Variants in NAV2 observed in about 807,000 individuals in gnomAD.
NAV2 encodes the protein neuron navigator 2, also known as helicase, APC down-regulated 1.
A neutral mutation model predicts 223.2 loss-of-function variants in NAV2; 54 were observed. The observed-to-expected ratio is 0.24, with a 90% CI of 0.19 to 0.30. The LOEUF is 0.30. Among genes scored for constraint, NAV2 ranks in the 10% least tolerant of loss-of-function variants. The pLI is 1.00. For synonymous variants in NAV2, 1,279 were observed against 1,239.3 expected (o/e 1.03, Z -0.67); for missense variants, 2,806 against 3,147.5 (o/e 0.89, Z 2.60).
At chr11:19,645,460 A>G (rs536902496) in intron 1 of NAV2, among the ~76,000 whole-genome samples, 1 of 152,256 alleles carries the variant, frequency 6.6e-6, no homozygotes, top group African/African-American at 2.4e-5. Flanking sequence ...AGACGTGAAC[A>G]TCTTTGGGGG....
intron 1 of NAV2, among the ~76,000 whole-genome samples, chr11:19,642,613 C>T (rs1278697835): frequency 6.6e-6 from 1 of 152,140 alleles, no homozygotes. Context: ...ATGGAGTCAA[C>T]AGCTTTGATT....
intron 1 of NAV2, chr11:19,401,948 G>A (rs1045467270): frequency 2.6e-5 from 4 of 152,186 alleles, no homozygotes; most frequent in Non-Finnish European, 5.9e-5. Flanking sequence ...GATCAGACGA[G>A]ATCGGGCGCA....
At chr11:19,997,901 C>T (rs2052077293) in intron 11 of NAV2, among the ~76,000 whole-genome samples, 1 of 152,144 alleles carries the variant, frequency 6.6e-6, no homozygotes. Context: ...ACTCCTCCCT[C>T]CACCCCAGGT....
intron 1 of NAV2, among the ~76,000 whole-genome samples, chr11:19,470,638 C>T (rs1406425568): frequency 1.3e-5 from 2 of 151,954 alleles, no homozygotes; most frequent in Non-Finnish European, 2.9e-5. Flanking sequence ...GGTCCCATTT[C>T]CCAACACTGT....
Position 20,120,427 on chromosome 11 carries a change from G to A in NAV2, c.*2169G>A, listed in dbSNP as rs1240063014. On this transcript the variant is annotated 3_prime_UTR_variant, in exon 38 of 38. Transcript: ENST00000349880. ...TGTGACCAGGGGGGCCAAACCCTAA[G>A]ATTTCTGGTAAACCTGAAGGGTGGC... 1 of 152,574 alleles carries A rather than the reference G, an allele frequency of 6.6e-6. No homozygotes were observed. The highest frequency in any genetic ancestry group is 1.5e-5 in the Non-Finnish European group (1 of 68,034). 9.5% of individuals were successfully genotyped at this position (152,574 alleles called of 1,614,324 possible).
At chr11:19,771,016 G>A (rs1437251842) in intron 1 of NAV2, among the ~76,000 whole-genome samples, 37 of 152,098 alleles carry the variant, frequency 2.4e-4, no homozygotes, top group Non-Finnish European at 1.5e-5. Flanking sequence ...CAGTGGAAAG[G>A]GGTCTATCTA....
chr11:19,662,287 G>A (rs1372417029), intron 1 of NAV2, among the ~76,000 whole-genome samples: 2 of 152,226 alleles, frequency 1.3e-5, no homozygotes, highest in African/African-American at 4.8e-5. Flanking sequence ...TATTATGATT[G>A]TAGCTGATCC....
At chr11:20,036,432 C>A (rs892420961) in intron 12 of NAV2, among the ~76,000 whole-genome samples, 9 of 152,194 alleles carry the variant, frequency 5.9e-5, no homozygotes, top group Non-Finnish European at 1.3e-4. Flanking sequence ...ATTTTCAGCC[C>A]AGAGTGTGTG....
intron 4 of NAV2, among the ~76,000 whole-genome samples, chr11:19,869,410 C>T (rs1011960574): frequency 2.6e-5 from 4 of 152,150 alleles, no homozygotes; most frequent in African/African-American, 4.8e-5. Flanking sequence ...CTCTTTTATT[C>T]GAGGAAGCAG....
intron 4 of NAV2, among the ~76,000 whole-genome samples, chr11:19,876,209 G>A (rs944716996): frequency 2.6e-5 from 4 of 152,028 alleles, no homozygotes; most frequent in Non-Finnish European, 4.4e-5. Flanking sequence ...TGTATTTTTA[G>A]TAGAGACGGT....
At chr11:19,734,321 C>G (rs1242303246) in intron 1 of NAV2, among the ~76,000 whole-genome samples, 1 of 152,086 alleles carries the variant, frequency 6.6e-6, no homozygotes, top group Non-Finnish European at 1.5e-5. Context: ...ATATGATGAC[C>G]CATTGCCAGA....
At chr11:19,905,571 T>C (rs1422229123) in intron 6 of NAV2, among the ~76,000 whole-genome samples, 1 of 152,226 alleles carries the variant, frequency 6.6e-6, no homozygotes, top group African/African-American at 2.4e-5. Context: ...ACTCATTCAG[T>C]CTGTCCTATT....
At position 19,892,519 on chromosome 11, in the gene NAV2, A is replaced by T. The variant is rs774260558; in HGVS notation, c.856A>T (p.Ser286Cys). 1 of 1,614,244 alleles carries T rather than the reference A, an allele frequency of 6.2e-7. No homozygotes were observed. The highest frequency in any genetic ancestry group is 2.2e-5 in the East Asian group (1 of 44,884). The change falls in exon 6 of 38, where the codon AGC becomes TGC. Residue 286 changes from serine to cysteine, a missense_variant. Around this residue, in one of 4 missense-constraint regions of NAV2, gnomAD observed 1,167 missense variants for 1,180.5 expected, o/e 0.99. Transcript: ENST00000349880. The part of the protein sequence containing the change: ...GGSTTANNRR[S>C]QSFNNYDKSK... ...GTCAACTACTGCTAACAACCGACGC[A>T]GCCAGAGCTTTAACAACTATGATAA...
chr11:19,586,022 A>C (rs943029278), intron 1 of NAV2, among the ~76,000 whole-genome samples: 1 of 152,196 alleles, frequency 6.6e-6, no homozygotes, highest in Admixed American at 6.5e-5. Context: ...TACACCAATC[A>C]GATGTAGATT....
chr11:20,092,758 A>C (rs1357015779), intron 28 of NAV2, among the ~76,000 whole-genome samples: 17 of 152,218 alleles, frequency 1.1e-4, no homozygotes, highest in Admixed American at 1.1e-3. Context: ...AGGCTGGTGC[A>C]ACCATCAGTG....
chr11:19,989,893 G>A (rs887945878), intron 11 of NAV2, among the ~76,000 whole-genome samples: 2 of 152,080 alleles, frequency 1.3e-5, no homozygotes, highest in African/African-American at 4.8e-5. Context: ...CTTTTAGGGA[G>A]CTCTCTTTGT....
intron 11 of NAV2, among the ~76,000 whole-genome samples, chr11:20,017,885 A>C (rs2054145974): frequency 6.6e-6 from 1 of 152,210 alleles, no homozygotes; most frequent in Non-Finnish European, 1.5e-5. Context: ...TCCCATACAC[A>C]CAGATCCTCT....
chr11:19,785,647 CTT>C (rs3214722), intron 1 of NAV2, among the ~76,000 whole-genome samples: 1 of 141,842 alleles, frequency 7.1e-6, no homozygotes, highest in Admixed American at 7.0e-5. Context: ...CGTCAGCTGG[CTT>C]TTTTTTTTTT....
chr11:19,499,320 T>G (rs2042892062), intron 1 of NAV2, among the ~76,000 whole-genome samples: 1 of 152,160 alleles, frequency 6.6e-6, no homozygotes, highest in African/African-American at 2.4e-5. Flanking sequence ...GCTAGAGGGT[T>G]GTTGTTGTTG....
Sources: gnomAD v4.1 joint callset for allele counts (sites outside exome capture counted in the v4.1 genomes callset) on GRCh38, gnomAD v4.1.1 for gene constraint, gnomAD v4.1.1 regional missense constraint, MANE v1.5 for transcripts, NCBI Gene and HGNC (gene_info 2026-07-23, HGNC 2026-07-21) for gene names.